Variants in STT3A observed in about 807,000 individuals in gnomAD.
STT3A encodes STT3 oligosaccharyltransferase complex catalytic subunit A.
Under a neutral mutation model 89.2 loss-of-function variants are expected in STT3A, and 34 were observed. The observed-to-expected ratio is 0.38, with a 90% CI of 0.29 to 0.51. STT3A has a LOEUF of 0.51. Ranked by LOEUF, STT3A falls within the 20% of genes least tolerant of loss-of-function variation. STT3A has a pLI of 0.89. For synonymous variants in STT3A, 282 were observed against 310.3 expected (o/e 0.91, Z 0.96); for missense variants, 555 against 889.5 (o/e 0.62, Z 4.78).
chr11:125,594,701 G>C (rs1294582539), intron 1 of STT3A, among the ~76,000 whole-genome samples: 2 of 150,818 alleles, frequency 1.3e-5, no homozygotes, highest in South Asian at 4.2e-4. Context: ...TTTCCATTTT[G>C]AACTGCCTAC....
At position 125,595,947 on chromosome 11, in the gene STT3A, A is replaced by T. The variant is rs756193596; in HGVS notation, c.32A>T (p.Tyr11Phe). 3 of 1,613,988 alleles carry T rather than the reference A, an allele frequency of 1.9e-6. No homozygotes were observed. Among genetic ancestry groups the T allele is most frequent in the Admixed American group, 3.3e-5 (2 of 60,010 alleles). ...AAGTTTGGATTTTTGCGATTGTCCT[A>T]TGAGAAGCAGGACACACTTTTGAAG... MTKFGFLRLS[Y>F]EKQDTLLKLL... Residue 11 changes from tyrosine to phenylalanine, a missense_variant, in exon 2 of 18, where the codon TAT (tyrosine) becomes TTT (phenylalanine). Physicochemically the swap from Tyr to Phe is conservative, Grantham distance 22 (BLOSUM62 3). Transcript: ENST00000392708.
chr11:125,596,131 T>C (rs1293781230), intron 2 of STT3A, 128 bp downstream of exon 2: 1 of 751,582 alleles, frequency 1.3e-6, no homozygotes, highest in Non-Finnish European at 2.2e-6. Context: ...CATTCCTCAT[T>C]AGTATAATTT....
At chr11:125,609,911 T>C (rs1939951624) in intron 10 of STT3A, 1 of 252,274 alleles carries the variant, frequency 4.0e-6, no homozygotes, top group Non-Finnish European at 7.6e-6. Context: ...CCTTTACCCT[T>C]GTTTTTCCTC....
chr11:125,606,113 T>C, intron 7 of STT3A, 188 bp from the exon 8 acceptor site: 1 of 576,158 alleles, frequency 1.7e-6, no homozygotes, highest in African/African-American at 1.9e-5. Context: ...GACCTGTACA[T>C]GTAAGGACTT....
Position 125,614,232 on chromosome 11 carries a change from T to G in STT3A, c.1671+29T>G. The stretch of plus-strand genomic sequence containing the variant: ...AGATAAAGGGATGATCTTTGAGTGT[T>G]TGGTGTACAAGGTCTAATGGGAAAT... On this transcript the variant is annotated intron_variant, in intron 14 of 17. Coordinates refer to ENST00000392708, the MANE Select transcript of STT3A (RefSeq NM_152713.5). The surrounding 1 kb of genome is among the most constrained non-coding windows in gnomAD (Gnocchi z 4.9). 6.2e-7 allele frequency: 1 copy of G among 1,612,816 alleles called. No individual in the cohort carries two copies. The highest frequency in any genetic ancestry group is 2.2e-5 in the East Asian group (1 of 44,874).
Position 125,602,156 on chromosome 11 carries a change from A to G in STT3A, c.150-147A>G, listed in dbSNP as rs1939702943. ...GACAAGCATGGAGATAGAAGTAAAC[A>G]GACTTATGGTAGTGTAAAATGATTT... On this transcript the variant is annotated intron_variant, in intron 3 of 17. Coordinates refer to ENST00000392708, the MANE Select transcript of STT3A (RefSeq NM_152713.5). 1.2e-5 allele frequency: 11 copies of G among 921,232 alleles called. No homozygotes were observed. In the Admixed American group the frequency reaches 3.3e-4, roughly 28 times the overall value. 57.1% of individuals were successfully genotyped at this position (921,232 alleles called of 1,614,324 possible). A position where few individuals can be genotyped will look rare whatever the true frequency, so the allele number is the denominator to read the frequency against.
In STT3A at chr11:125,620,852, A is replaced by G. The variant is rs1591383397; in HGVS notation, c.*42A>G. The G allele has an allele frequency of 6.6e-7, 1 of 1,512,926 alleles. No homozygotes were observed. The highest frequency in any genetic ancestry group is 8.9e-7 in the Non-Finnish European group (1 of 1,118,964). 93.7% of individuals were successfully genotyped at this position (1,512,926 alleles called of 1,614,324 possible). The stretch of plus-strand genomic sequence containing the variant: ...TGATATGCTTCGCACTGAGCACATC[A>G]CATTTAGGACGTTGAAGATTTTTTT... On this transcript the variant is annotated 3_prime_UTR_variant, in exon 18 of 18. Coordinates refer to ENST00000392708, the MANE Select transcript of STT3A (RefSeq NM_152713.5).
chr11:125,593,452 T>C (rs1292587372), intron 1 of STT3A: 4 of 152,178 alleles, frequency 2.6e-5, no homozygotes, highest in Non-Finnish European at 4.4e-5. Flanking sequence ...TTAAGAAAGG[T>C]GTCTTTGCTC....
At chr11:125,620,657 A>G in intron 17 of STT3A, 115 bp from the exon 18 acceptor site, 1 of 924,030 alleles carries the variant, frequency 1.1e-6, no homozygotes, top group Admixed American at 2.0e-5. Flanking sequence ...ACAGCCCTAA[A>G]CCAGGCTGCA....
At position 125,618,481 on chromosome 11, in the gene STT3A, G is replaced by T. The variant is rs772732156; in HGVS notation, c.1883G>T (p.Arg628Leu). 6.2e-7 allele frequency: 1 copy of T among 1,613,898 alleles called. No homozygotes were observed. The highest frequency in any genetic ancestry group is 8.5e-7 in the Non-Finnish European group (1 of 1,180,024). ...YTPTGEFRVD[R>L]EGSPVLLNCL... ...CCAACTGGGGAGTTCCGTGTGGACC[G>T]TGAAGGTTCTCCAGTGCTGCTCAAC... is the stretch of plus-strand genomic sequence containing the variant. Residue 628 changes from arginine (R) to leucine (L), a missense_variant, in exon 16 of 18, where the codon CGT becomes CTT. Physicochemically the swap from Arg to Leu is moderately radical, Grantham distance 102 (BLOSUM62 -2). Around this residue, in one of 5 missense-constraint regions of STT3A, gnomAD observed 273 missense variants for 449.8 expected, o/e 0.61. Transcript: ENST00000392708.
intron 1 of STT3A, among the ~76,000 whole-genome samples, chr11:125,593,909 T>C (rs969236925): frequency 1.2e-4 from 18 of 152,154 alleles, no homozygotes; most frequent in Non-Finnish European, 2.1e-4. Flanking sequence ...GGAAAAAAGA[T>C]TCATGGAGGA....
upstream of STT3A, chr11:125,591,980 G>A (rs1439867838): frequency 3.1e-5 from 5 of 160,846 alleles, no homozygotes; most frequent in Admixed American, 2.5e-4. Context: ...CGGGGAGCGC[G>A]TGGGGTGCGA....
chr11:125,598,782 A>T (rs372558039), intron 3 of STT3A, among the ~76,000 whole-genome samples: 68 of 152,000 alleles, frequency 4.5e-4, no homozygotes, highest in South Asian at 1.9e-3. Context: ...TTTTTTAAAA[A>T]TTTTTTGTAG....
Position 125,614,031 on chromosome 11 carries a change from T to C in STT3A, c.1555-56T>C, listed in dbSNP as rs201045362. The C allele has an allele frequency of 1.3e-4, 199 of 1,524,248 alleles. 1 individual carries two copies. The highest frequency in any genetic ancestry group is 6.8e-5 in the Admixed American group (4 of 59,134). 94.4% of individuals were successfully genotyped at this position (1,524,248 alleles called of 1,614,324 possible). On this transcript the variant is annotated intron_variant, in intron 13 of 17. Coordinates refer to ENST00000392708, the MANE Select transcript of STT3A (RefSeq NM_152713.5). The surrounding 1 kb of genome is among the most constrained non-coding windows in gnomAD (Gnocchi z 4.9). Reference sequence around the variant, plus strand: ...ACCAAAGATGCCTTCTCTGTTGCATTTGATTTTTAGAGACAGTGAGAAGCT... The same window carrying C: ...ACCAAAGATGCCTTCTCTGTTGCATCTGATTTTTAGAGACAGTGAGAAGCT...
Position 125,609,608 on chromosome 11 carries a change from T to C in STT3A, c.1117+19T>C, listed in dbSNP as rs1012891171. 1 of 1,595,204 alleles carries C rather than the reference T, an allele frequency of 6.3e-7. No homozygotes were observed. Among genetic ancestry groups the C allele is most frequent in the Admixed American group, 1.8e-5 (1 of 54,800 alleles). On this transcript the variant is annotated intron_variant, in intron 10 of 17. Coordinates refer to ENST00000392708, the MANE Select transcript of STT3A (RefSeq NM_152713.5). ...TTTCCAGGTATGTGGCCTCGTGTTC[T>C]GAAATGGCCTTGTTCATAAGAATCA...
In STT3A at chr11:125,592,866, C is replaced by T. The variant is rs1035857600; in HGVS notation, c.-88C>T. 1.1e-5 allele frequency: 2 copies of T among 178,566 alleles called. No homozygotes were observed. The highest frequency in any genetic ancestry group is 1.7e-4 in the South Asian group (2 of 11,724). 11.1% of individuals were successfully genotyped at this position (178,566 alleles called of 1,614,324 possible). A position where few individuals can be genotyped will look rare whatever the true frequency, so the allele number is the denominator to read the frequency against. ...CGGCTCCTGCCAGGGTTGGGTGCGCCGCTGAACGGATGGCTGAGGGAGCCC... is the reference window on the plus strand; with the variant it reads ...CGGCTCCTGCCAGGGTTGGGTGCGCTGCTGAACGGATGGCTGAGGGAGCCC... On this transcript the variant is annotated 5_prime_UTR_variant, in exon 1 of 18. Transcript: ENST00000392708.
In STT3A at chr11:125,612,732, C is replaced by T; in HGVS notation, c.1350C>T (p.Tyr450=). 1 of 1,613,866 alleles carries T rather than the reference C, an allele frequency of 6.2e-7. No individual in the cohort carries two copies. ...KKSKKQQDST[Y]PIKNEVASGM... is the part of the protein sequence containing the mutation. ...GCAAGAAGCAACAGGATTCCACCTA[C>T]CCTATTAAGAATGAAGTGAGAAGCA... is the stretch of plus-strand genomic sequence containing the variant. Residue 450 remains tyrosine, a synonymous_variant, in exon 12 of 18, where the codon TAC becomes TAT. Transcript: ENST00000392708.
upstream of STT3A, chr11:125,592,679 T>C (rs112169927): frequency 1.7e-5 from 6 of 355,936 alleles, no homozygotes; most frequent in African/African-American, 1.3e-4. Context: ...CAGACCTGCC[T>C]CTAGACTGCT....
At position 125,613,939 on chromosome 11, in the gene STT3A, T is replaced by C; in HGVS notation, c.1555-148T>C. 1 of 678,360 alleles carries C rather than the reference T, an allele frequency of 1.5e-6. No individual in the cohort carries two copies. Among genetic ancestry groups the C allele is most frequent in the Non-Finnish European group, 2.6e-6 (1 of 381,906 alleles). The allele number at this position is 678,360 out of a possible 1,614,324, so 42.0% of individuals were successfully genotyped here. A position where few individuals can be genotyped will look rare whatever the true frequency, so the allele number is the denominator to read the frequency against. ...ATGGAAGACCAGGTGCCAGGATTTA[T>C]TTTCTGGTTTGACATGCATTACTTT... On this transcript the variant is annotated intron_variant, in intron 13 of 17. Transcript: ENST00000392708. The surrounding 1 kb of genome is among the most constrained non-coding windows in gnomAD (Gnocchi z 4.2).
Sources: gnomAD v4.1 joint callset for allele counts (sites outside exome capture counted in the v4.1 genomes callset) on GRCh38, gnomAD v4.1.1 for gene constraint, gnomAD v4.1.1 regional missense constraint, Gnocchi (gnomAD v3.1) non-coding constraint, MANE v1.5 for transcripts, NCBI Gene and HGNC (gene_info 2026-07-23, HGNC 2026-07-21) for gene names.